ZFHX3: variants seen among roughly 807,000 people sequenced by gnomAD.
ZFHX3 encodes the protein zinc finger homeobox 3.
Under a neutral mutation model 279.1 loss-of-function variants are expected in ZFHX3, and 42 were observed. The ratio of observed to expected loss-of-function variants is 0.15; its 90% CI spans 0.12 to 0.19. The LOEUF (loss-of-function observed/expected upper bound fraction) is 0.19, where lower values mean the gene tolerates loss of function less well. Among genes scored for constraint, ZFHX3 ranks in the 10% least tolerant of loss-of-function variants. The pLI is 1.00. For synonymous variants in ZFHX3, 2,293 were observed against 1,957.8 expected (o/e 1.17, Z -4.52); for missense variants, 4,981 against 4,754.0 (o/e 1.05, Z -1.40).
intron 5 of ZFHX3, among the ~76,000 whole-genome samples, chr16:73,246,884 G>A (rs2013296746): frequency 6.6e-6 from 1 of 152,192 alleles, no homozygotes; most frequent in Non-Finnish European, 1.5e-5. Flanking sequence ...AATATTTAGT[G>A]TCCCCAGAGG....
intron 1 of ZFHX3, among the ~76,000 whole-genome samples, chr16:73,014,630 C>G (rs1368102625): frequency 6.9e-6 from 1 of 145,670 alleles, no homozygotes; most frequent in Non-Finnish European, 1.5e-5. Context: ...CTGCTTCAAG[C>G]GATTCTCTGC....
intron 1 of ZFHX3, among the ~76,000 whole-genome samples, chr16:73,767,457 T>C (rs548239541): frequency 2.3e-4 from 35 of 152,322 alleles, no homozygotes; most frequent in Admixed American, 5.9e-4. Context: ...ATGAGAATTA[T>C]AAGATTTGGA....
At chr16:73,262,303 A>C (rs929368155) in intron 4 of ZFHX3, among the ~76,000 whole-genome samples, 1 of 152,206 alleles carries the variant, frequency 6.6e-6, no homozygotes, top group Non-Finnish European at 1.5e-5. Flanking sequence ...CTTAAGGTAG[A>C]TAGATTGTTT....
At chr16:73,793,533 G>A (rs1379346064) in intron 1 of ZFHX3, among the ~76,000 whole-genome samples, 1 of 152,164 alleles carries the variant, frequency 6.6e-6, no homozygotes, top group Non-Finnish European at 1.5e-5. Flanking sequence ...GCTTGACTAC[G>A]CGGTTCATAC....
intron 5 of ZFHX3, among the ~76,000 whole-genome samples, chr16:73,252,497 G>A (rs1437249902): frequency 6.6e-6 from 1 of 152,166 alleles, no homozygotes; most frequent in Non-Finnish European, 1.5e-5. Context: ...GGAAAGCTGG[G>A]AGAAGAAGGG....
intron 1 of ZFHX3, among the ~76,000 whole-genome samples, chr16:73,804,092 G>A (rs575034893): frequency 2.0e-5 from 3 of 152,338 alleles, no homozygotes; most frequent in African/African-American, 7.2e-5. Context: ...GGGAGGCTGA[G>A]GCTCCAGTGA....
At chr16:72,822,757 T>C (rs2143679571) in intron 5 of ZFHX3, among the ~76,000 whole-genome samples, 1 of 151,324 alleles carries the variant, frequency 6.6e-6, no homozygotes, top group Admixed American at 6.6e-5. Flanking sequence ...TACTGTGTCA[T>C]AATTGTGATT....
intron 1 of ZFHX3, among the ~76,000 whole-genome samples, chr16:73,839,421 C>A (rs1445523178): frequency 7.1e-6 from 1 of 140,266 alleles, no homozygotes; most frequent in Non-Finnish European, 1.5e-5. Context: ...TTTGGTATAC[C>A]TTTTCAGAAC....
At chr16:73,621,805 C>T (rs1470052435) in intron 2 of ZFHX3, among the ~76,000 whole-genome samples, 1 of 152,040 alleles carries the variant, frequency 6.6e-6, no homozygotes, top group Non-Finnish European at 1.5e-5. Context: ...AAAAATGAAC[C>T]GAAATCCTCC....
chr16:73,262,717 A>T (rs559227844), intron 4 of ZFHX3, among the ~76,000 whole-genome samples: 4 of 152,170 alleles, frequency 2.6e-5, no homozygotes, highest in Admixed American at 2.0e-4. Context: ...GTTTTTCTCT[A>T]CCCCTTTAAC....
intron 3 of ZFHX3, among the ~76,000 whole-genome samples, chr16:73,352,870 C>T (rs2016272742): frequency 6.6e-6 from 1 of 152,194 alleles, no homozygotes; most frequent in Non-Finnish European, 1.5e-5. Context: ...CTGCACTGGT[C>T]AATCAGCCGT....
chr16:73,273,292 T>C (rs1227802305), intron 4 of ZFHX3, among the ~76,000 whole-genome samples: 1 of 152,050 alleles, frequency 6.6e-6, no homozygotes, highest in Non-Finnish European at 1.5e-5. Context: ...ATATAAAGAA[T>C]ATTAAAATAT....
intron 4 of ZFHX3, chr16:73,257,160 A>T (rs2013683282): frequency 6.6e-6 from 1 of 152,340 alleles, no homozygotes; most frequent in East Asian, 1.9e-4. Flanking sequence ...AAAAGTAAAT[A>T]GTTTCAAAAA....
intron 2 of ZFHX3, among the ~76,000 whole-genome samples, chr16:73,478,359 T>C (rs1039630756): frequency 7.9e-5 from 12 of 151,920 alleles, no homozygotes; most frequent in Admixed American, 3.9e-4. Context: ...AGATTAAAAG[T>C]CTGATGCTCT....
chr16:73,188,864 TTC>T (rs1300483209), intron 5 of ZFHX3, among the ~76,000 whole-genome samples: 1 of 125,026 alleles, frequency 8.0e-6, no homozygotes, highest in African/African-American at 3.0e-5. Context: ...ATATTTCTTT[TTC>T]TTTTTTTTTT....
chr16:73,046,856 G>C (rs1454554723), intron 1 of ZFHX3, among the ~76,000 whole-genome samples: 1 of 148,356 alleles, frequency 6.7e-6, no homozygotes, highest in Non-Finnish European at 1.5e-5. Context: ...TTTTCTGTCA[G>C]TGGCTTTAGG....
intron 1 of ZFHX3, among the ~76,000 whole-genome samples, chr16:73,838,559 C>A (rs931604188): frequency 6.6e-6 from 1 of 152,160 alleles, no homozygotes; most frequent in Non-Finnish European, 1.5e-5. Flanking sequence ...GTTTGAAAGA[C>A]CTTTGCAAAC....
chr16:73,887,101 T>C (rs899614238), intron 1 of ZFHX3, among the ~76,000 whole-genome samples: 3 of 152,136 alleles, frequency 2.0e-5, no homozygotes, highest in African/African-American at 7.2e-5. Context: ...TTTCAAAAAA[T>C]TGGGATTGGG....
chr16:73,773,699 A>T (rs1372591399), intron 1 of ZFHX3, among the ~76,000 whole-genome samples: 1 of 152,240 alleles, frequency 6.6e-6, no homozygotes, highest in Non-Finnish European at 1.5e-5. Flanking sequence ...GACATTTCAC[A>T]TAATTTCAGT....
Sources: allele counts gnomAD v4.1 joint callset (sites outside exome capture counted in the v4.1 genomes callset), GRCh38; gene constraint gnomAD v4.1.1; transcripts MANE v1.5; gene names NCBI Gene and HGNC (gene_info 2026-07-23, HGNC 2026-07-21).